Variants in BATF observed in about 807,000 individuals in gnomAD.
BATF encodes basic leucine zipper transcriptional factor ATF-like.
BATF carries 5 observed loss-of-function variants against 13.7 expected under a neutral mutation model. That is an observed-to-expected ratio of 0.36 (90% CI 0.19 to 0.77). The LOEUF (loss-of-function observed/expected upper bound fraction) is 0.77, where lower values mean the gene tolerates loss of function less well. Among genes scored for constraint, BATF ranks in the 30% least tolerant of loss-of-function variants. The pLI, the probability that BATF is intolerant of heterozygous loss-of-function variation, is 0.51. For synonymous variants in BATF, 72 were observed against 67.5 expected (o/e 1.07, Z -0.33); for missense variants, 124 against 163.0 (o/e 0.76, Z 1.30).
At chr14:75,524,944 G>A in intron 1 of BATF, 140 bp from the exon 2 acceptor site, 1 of 655,806 alleles carries the variant, frequency 1.5e-6, no homozygotes, top group Non-Finnish European at 2.6e-6. Flanking sequence ...GCAGGCTTTT[G>A]GTAAATAGAG....
At chr14:75,525,497 T>C (rs1887639503) in intron 2 of BATF, among the ~76,000 whole-genome samples, 1 of 151,856 alleles carries the variant, frequency 6.6e-6, no homozygotes, top group South Asian at 2.1e-4. Flanking sequence ...ACCTCGTCTC[T>C]ACTAAAAATA....
In BATF at chr14:75,546,767, C is replaced by G; in HGVS notation, c.*96C>G. 1.4e-6 allele frequency: 2 copies of G among 1,390,380 alleles called. No individual in the cohort carries two copies. The highest frequency in any genetic ancestry group is 1.9e-6 in the Non-Finnish European group (2 of 1,032,818). The allele number at this position is 1,390,380 out of a possible 1,614,324, so 86.1% of individuals were successfully genotyped here. ...AGAGGCCCCTGTCCACCTGGAGACC[C>G]GGAGACAGAGGCCTGGACAAGGAGT... On this transcript the variant is annotated 3_prime_UTR_variant, in exon 3 of 3. Coordinates refer to ENST00000286639, the MANE Select transcript of BATF (RefSeq NM_006399.5).
At chr14:75,545,731 C>T (rs1159023052) in intron 2 of BATF, among the ~76,000 whole-genome samples, 1 of 152,098 alleles carries the variant, frequency 6.6e-6, no homozygotes, top group African/African-American at 2.4e-5. Context: ...CTCTGGCCTG[C>T]CAGCTGCTTT....
intron 2 of BATF, among the ~76,000 whole-genome samples, chr14:75,533,360 G>A (rs896070566): frequency 4.0e-5 from 6 of 151,332 alleles, no homozygotes; most frequent in South Asian, 2.1e-4. Context: ...CCTGGGAGGC[G>A]GAGCTTGCAG....
At chr14:75,543,859 G>T (rs1040537698) in intron 2 of BATF, among the ~76,000 whole-genome samples, 5 of 151,560 alleles carry the variant, frequency 3.3e-5, no homozygotes, top group African/African-American at 9.7e-5. Context: ...CCAAAAAACT[G>T]CTGGGCTCAA....
At chr14:75,540,578 C>T (rs896887346) in intron 2 of BATF, among the ~76,000 whole-genome samples, 2 of 152,358 alleles carry the variant, frequency 1.3e-5, no homozygotes, top group African/African-American at 2.4e-5. Flanking sequence ...GGCACAGACT[C>T]TGAAGCCAGA....
chr14:75,524,968 A>T, intron 1 of BATF, 116 bp from the exon 2 acceptor site: 1 of 823,226 alleles, frequency 1.2e-6, no homozygotes, highest in South Asian at 1.6e-5. Flanking sequence ...TGGAGGGTTC[A>T]TGCAGAGACG....
chr14:75,541,955 C>T (rs1370919147), intron 2 of BATF, among the ~76,000 whole-genome samples: 1 of 152,048 alleles, frequency 6.6e-6, no homozygotes, highest in Admixed American at 6.6e-5. Flanking sequence ...TGAGCCACAG[C>T]ACCTGGCCAA....
intron 2 of BATF, among the ~76,000 whole-genome samples, chr14:75,536,894 G>A (rs926817404): frequency 1.3e-5 from 2 of 152,142 alleles, no homozygotes; most frequent in Admixed American, 6.5e-5. Context: ...ACCTCACTAG[G>A]CTGTTTGACC....
intron 2 of BATF, among the ~76,000 whole-genome samples, chr14:75,543,735 G>T (rs11852052): frequency 0.012 from 1,755 of 151,466 alleles, 32 homozygotes; most frequent in African/African-American, 0.039. Flanking sequence ...GCACAGGCTG[G>T]TCTTAAACTC....
chr14:75,543,548 G>A (rs907619234), intron 2 of BATF, among the ~76,000 whole-genome samples: 8 of 152,120 alleles, frequency 5.3e-5, no homozygotes, highest in Non-Finnish European at 1.0e-4. Context: ...TGATGGATTC[G>A]TTAGGGCAAA....
rs1176689982 is a variant in BATF, at chr14:75,539,232, T to C, written c.169-7230T>C. 3.3e-5 allele frequency among the ~76,000 whole-genome samples: 5 copies of C among 152,270 alleles called. No individual in the cohort carries two copies. In the East Asian group the frequency reaches 9.7e-4, roughly 29 times the overall value. ...TTCATTCTCTAGGCTGTGAGATGGG[T>C]GCCGAGCCTCTCGGCATCAGTCTAT... On this transcript the variant is annotated intron_variant, in intron 2 of 2. Coordinates refer to ENST00000286639, the MANE Select transcript of BATF (RefSeq NM_006399.5).
intron 2 of BATF, among the ~76,000 whole-genome samples, chr14:75,536,500 T>G (rs889321340): frequency 6.6e-6 from 1 of 152,002 alleles, no homozygotes; most frequent in Non-Finnish European, 1.5e-5. Flanking sequence ...CCGAGTTGGT[T>G]GGATCATTTG....
rs1029531923 is a variant in BATF at position 75,546,786 on chromosome 14, A to G, written c.*115A>G. ...GAGACCCGGAGACAGAGGCCTGGAC[A>G]AGGAGTGAACACGGGAACTGTCACG... On this transcript the variant is annotated 3_prime_UTR_variant, in exon 3 of 3. Coordinates refer to ENST00000286639, the MANE Select transcript of BATF (RefSeq NM_006399.5). 4 of 1,319,698 alleles carry G rather than the reference A, an allele frequency of 3.0e-6. No homozygotes were observed. The African/African-American group carries it at 5.9e-5, about 19-fold the overall frequency. The allele number at this position is 1,319,698 out of a possible 1,614,324, so 81.7% of individuals were successfully genotyped here. A position where few individuals can be genotyped will look rare whatever the true frequency, so the allele number is the denominator to read the frequency against.
intron 2 of BATF, among the ~76,000 whole-genome samples, chr14:75,537,355 A>C (rs1027423240): frequency 6.6e-6 from 1 of 152,236 alleles, no homozygotes; most frequent in African/African-American, 2.4e-5. Flanking sequence ...ATCACTCTCT[A>C]GGAATTCTCA....
intron 2 of BATF, among the ~76,000 whole-genome samples, chr14:75,530,191 T>C (rs1370466865): frequency 1.3e-5 from 2 of 152,086 alleles, no homozygotes; most frequent in Admixed American, 6.5e-5. Flanking sequence ...AAAATGCCAA[T>C]TAAAGCAGCA....
intron 2 of BATF, among the ~76,000 whole-genome samples, chr14:75,531,044 T>C (rs1887723671): frequency 6.6e-6 from 1 of 152,226 alleles, no homozygotes; most frequent in Admixed American, 6.5e-5. Context: ...TCAGCATTGA[T>C]CATTACCACA....
chr14:75,527,342 A>G (rs1371995733), intron 2 of BATF, among the ~76,000 whole-genome samples: 1 of 152,202 alleles, frequency 6.6e-6, no homozygotes, highest in African/African-American at 2.4e-5. Flanking sequence ...TAAAGGCTAG[A>G]AAGTTTAGAC....
In BATF at chr14:75,522,736, T is replaced by C. The variant is rs749616658; in HGVS notation, c.54T>C (p.Pro18=). Residue 18 remains proline (P), a synonymous_variant, in exon 1 of 3, where the codon CCT becomes CCC. Coordinates refer to ENST00000286639, the MANE Select transcript of BATF (RefSeq NM_006399.5). The part of the protein sequence containing the change: ...SDSSFSRSPP[P]GKQDSSDDVR... ...CCAGCTTCAGCCGCTCTCCTCCCCC[T>C]GGCAAACAGGTAGAGTCCTCCTTTT... 6.2e-7 allele frequency: 1 copy of C among 1,614,190 alleles called. No individual in the cohort carries two copies. The highest frequency in any genetic ancestry group is 1.1e-5 in the South Asian group (1 of 91,092).
Sources: allele counts gnomAD v4.1 joint callset (sites outside exome capture counted in the v4.1 genomes callset), GRCh38; gene constraint gnomAD v4.1.1; transcripts MANE v1.5; gene names NCBI Gene and HGNC (gene_info 2026-07-23, HGNC 2026-07-21).